PPP1R1C: variants seen among roughly 807,000 people sequenced by gnomAD.
PPP1R1C encodes the protein protein phosphatase 1 regulatory subunit 1C.
In PPP1R1C, 15 loss-of-function variants were observed where a neutral mutation model predicts 17.4. The observed-to-expected ratio is 0.86, with a 90% CI of 0.58 to 1.33. The LOEUF is 1.33. Ranked by LOEUF, PPP1R1C falls within the 40% of genes most tolerant of loss-of-function variation. The pLI is 0.00. For synonymous variants in PPP1R1C, 35 were observed against 43.1 expected, an observed-to-expected ratio of 0.81 and a Z score of 0.73; for missense variants, 143 against 130.0, an observed-to-expected ratio of 1.10 and a Z score of -0.48.
chr2:182,073,360 A>G (rs1688195208), intron 4 of PPP1R1C, among the ~76,000 whole-genome samples: 1 of 152,214 alleles, frequency 6.6e-6, no homozygotes, highest in African/African-American at 2.4e-5. Context: ...TGAGTAAATA[A>G]TCTTTCTGAT....
chr2:182,035,691 G>A (rs1308653220), intron 2 of PPP1R1C, among the ~76,000 whole-genome samples: 1 of 152,122 alleles, frequency 6.6e-6, no homozygotes, highest in South Asian at 2.1e-4. Context: ...GCCAAGTGAA[G>A]ATGCACTTGC....
chr2:182,045,168 C>A (rs1219146306), intron 2 of PPP1R1C, among the ~76,000 whole-genome samples: 1 of 152,168 alleles, frequency 6.6e-6, no homozygotes, highest in Non-Finnish European at 1.5e-5. Flanking sequence ...TGAGAAACTG[C>A]ATGAAGGTTA....
At chr2:182,108,858 A>G (rs953298480) in intron 4 of PPP1R1C, among the ~76,000 whole-genome samples, 1 of 152,190 alleles carries the variant, frequency 6.6e-6, no homozygotes, top group Admixed American at 6.5e-5. Flanking sequence ...TGTGGACATC[A>G]GTTTTCGATT....
intron 4 of PPP1R1C, among the ~76,000 whole-genome samples, chr2:182,073,622 C>T (rs1688202720): frequency 6.6e-6 from 1 of 152,118 alleles, no homozygotes; most frequent in Admixed American, 6.5e-5. Flanking sequence ...TGGACAATGA[C>T]ATTAGAACAC....
chr2:182,082,768 G>A (rs921029125), intron 4 of PPP1R1C, among the ~76,000 whole-genome samples: 2 of 152,116 alleles, frequency 1.3e-5, no homozygotes, highest in African/African-American at 2.4e-5. Context: ...ATAACATACA[G>A]GCAGAAAGGG....
At chr2:182,017,677 G>C (rs1280348417) in intron 2 of PPP1R1C, among the ~76,000 whole-genome samples, 1 of 152,076 alleles carries the variant, frequency 6.6e-6, no homozygotes, top group Non-Finnish European at 1.5e-5. Context: ...TTTATTCTGT[G>C]AGTTTGTGTT....
intron 1 of PPP1R1C, among the ~76,000 whole-genome samples, chr2:181,972,958 T>G (rs1204447907): frequency 6.6e-6 from 1 of 152,184 alleles, no homozygotes; most frequent in African/African-American, 2.4e-5. Context: ...CCAAACTCAT[T>G]ATGCATATAT....
chr2:182,025,941 G>A (rs1686595318), intron 2 of PPP1R1C, among the ~76,000 whole-genome samples: 2 of 145,756 alleles, frequency 1.4e-5, no homozygotes, highest in South Asian at 2.2e-4. Context: ...GTTTTGATTT[G>A]CATTTCTCTG....
chr2:181,994,164 A>T (rs1685548901), intron 2 of PPP1R1C, among the ~76,000 whole-genome samples: 1 of 152,084 alleles, frequency 6.6e-6, no homozygotes, highest in Admixed American at 6.6e-5. Flanking sequence ...AGTTCTTAAG[A>T]TTTTTTTAAA....
At chr2:182,061,294 T>G in intron 2 of PPP1R1C, 148 bp from the exon 3 acceptor site, 1 of 569,492 alleles carries the variant, frequency 1.8e-6, no homozygotes, top group South Asian at 2.7e-5. Context: ...CACCCACCTC[T>G]GTCCTCCTCT....
intron 1 of PPP1R1C, among the ~76,000 whole-genome samples, chr2:181,965,614 GTA>G (rs1684891968): frequency 6.6e-6 from 1 of 152,154 alleles, no homozygotes; most frequent in Admixed American, 6.5e-5. Context: ...CTGTAGCTGT[GTA>G]TATTTGTTTC....
chr2:181,996,519 T>A (rs1685617002), intron 2 of PPP1R1C, among the ~76,000 whole-genome samples: 1 of 152,224 alleles, frequency 6.6e-6, no homozygotes, highest in Admixed American at 6.5e-5. Flanking sequence ...TCATTTAGAA[T>A]AATTTGATAT....
At chr2:181,975,952 T>A (rs1166967099) in intron 2 of PPP1R1C, among the ~76,000 whole-genome samples, 1 of 151,964 alleles carries the variant, frequency 6.6e-6, no homozygotes, top group Middle Eastern at 3.2e-3. Context: ...TTTCTCTGAT[T>A]TAAGAGAGGG....
At chr2:181,966,002 T>C (rs1019457892) in intron 1 of PPP1R1C, among the ~76,000 whole-genome samples, 4 of 152,178 alleles carry the variant, frequency 2.6e-5, no homozygotes, top group African/African-American at 9.6e-5. Flanking sequence ...ATAGTTTTCA[T>C]TGTAAATATT....
intron 2 of PPP1R1C, among the ~76,000 whole-genome samples, chr2:182,053,743 A>G (rs1687595078): frequency 6.6e-6 from 1 of 151,600 alleles, no homozygotes; most frequent in Non-Finnish European, 1.5e-5. Context: ...GCTCTTTTAT[A>G]TGATTTTGCA....
chr2:182,039,005 GAC>G (rs755079660), intron 2 of PPP1R1C, among the ~76,000 whole-genome samples: 34 of 152,174 alleles, frequency 2.2e-4, no homozygotes, highest in Non-Finnish European at 3.2e-4. Flanking sequence ...AGTCTGTTAA[GAC>G]ACACAGAAAG....
chr2:182,044,176 C>T (rs999007415), intron 2 of PPP1R1C, among the ~76,000 whole-genome samples: 2 of 152,152 alleles, frequency 1.3e-5, no homozygotes, highest in East Asian at 3.9e-4. Context: ...GGATGGACTC[C>T]TCCAATTCAT....
chr2:181,986,192 G>T lies in PPP1R1C; in HGVS notation c.81+1G>T, dbSNP rs747719876. On this transcript the variant is annotated splice_donor_variant, in intron 1 of 4. Coordinates refer to ENST00000682840, the MANE Select transcript of PPP1R1C (RefSeq NM_001080545.3). LOFTEE classifies it high-confidence loss of function. ...GATTGCACCTGAAGCAGCAGAGCAG[G>T]TATGTGAAATTGCATGGAGAACCAT... 1.9e-6 allele frequency: 3 copies of T among 1,610,810 alleles called. 1 individual carries two copies. In the South Asian group the frequency reaches 3.3e-5, roughly 18 times the overall value.
rs1052605946 is a variant in PPP1R1C at position 181,992,658 on chromosome 2, T to A, written c.142+4759T>A. Among the ~76,000 whole-genome samples, 6 of 134,868 alleles carry A rather than the reference T, an allele frequency of 4.4e-5. 1 individual carries two copies. The highest frequency in any genetic ancestry group is 2.2e-4 in the Admixed American group (3 of 13,730). The allele number at this position is 134,868 out of a possible 152,430, so 88.5% of individuals were successfully genotyped here. ...ACGTCATTTAAAAGCTCACTGTACA[T>A]CTAAAAAGTGGAATCCGAAGCATAA... On this transcript the variant is annotated intron_variant, in intron 2 of 4. Transcript: ENST00000682840.
Sources: allele counts gnomAD v4.1 joint callset (sites outside exome capture counted in the v4.1 genomes callset), GRCh38; gene constraint gnomAD v4.1.1; transcripts MANE v1.5; gene names NCBI Gene and HGNC (gene_info 2026-07-23, HGNC 2026-07-21).